Variants in ROBO2 observed in about 807,000 individuals in gnomAD.
ROBO2 encodes the protein roundabout guidance receptor 2, also known as roundabout homolog 2.
Under a neutral mutation model 160.8 loss-of-function variants are expected in ROBO2, and 53 were observed. The observed-to-expected ratio is 0.33, with a 90% CI of 0.26 to 0.41. ROBO2 has a LOEUF of 0.41. ROBO2 is among the 10% of genes least tolerant of loss of function. The pLI is 1.00. For missense variants in ROBO2, 1,577 were observed against 1,722.4 expected (o/e 0.92, Z 1.49); for synonymous variants, 664 against 611.7 (o/e 1.09, Z -1.26).
At chr3:77,115,631 A>C (rs1020554764) in intron 2 of ROBO2, among the ~76,000 whole-genome samples, 4 of 152,192 alleles carry the variant, frequency 2.6e-5, no homozygotes, top group African/African-American at 9.6e-5. Flanking sequence ...CCGTGAACTA[A>C]CCGAACTTTT....
chr3:77,063,864 A>G (rs2066569876), intron 1 of ROBO2, among the ~76,000 whole-genome samples: 2 of 152,152 alleles, frequency 1.3e-5, no homozygotes, highest in African/African-American at 4.8e-5. Context: ...TCTACTTATC[A>G]TCTCCTGAAC....
chr3:76,281,469 C>T (rs1030371896), intron 2 of ROBO2, among the ~76,000 whole-genome samples: 4 of 151,784 alleles, frequency 2.6e-5, no homozygotes, highest in Non-Finnish European at 4.4e-5. Context: ...CATCAATATT[C>T]GGTTTTTAAA....
intron 2 of ROBO2, among the ~76,000 whole-genome samples, chr3:76,217,357 A>C (rs1283609485): frequency 6.6e-6 from 1 of 152,214 alleles, no homozygotes; most frequent in Non-Finnish European, 1.5e-5. Flanking sequence ...ACCTTTCAAA[A>C]AATCAATGAA....
chr3:76,124,185 T>C (rs1254267696), intron 2 of ROBO2, among the ~76,000 whole-genome samples: 1 of 152,070 alleles, frequency 6.6e-6, no homozygotes, highest in East Asian at 1.9e-4. Context: ...AATTCGAAAA[T>C]ATGCGGGAAA....
chr3:76,866,518 A>G (rs945415296), intron 2 of ROBO2, among the ~76,000 whole-genome samples: 3 of 152,132 alleles, frequency 2.0e-5, no homozygotes, highest in African/African-American at 7.2e-5. Context: ...TTATTAATTT[A>G]CATTAAACTA....
At chr3:77,185,398 A>C (rs761473310) in intron 2 of ROBO2, among the ~76,000 whole-genome samples, 1 of 151,988 alleles carries the variant, frequency 6.6e-6, no homozygotes, top group Admixed American at 6.6e-5. Flanking sequence ...ACGGAAGCAT[A>C]GAAGGAAAGA....
At chr3:77,411,425 G>A (rs1330936536) in intron 2 of ROBO2, among the ~76,000 whole-genome samples, 2 of 152,148 alleles carry the variant, frequency 1.3e-5, no homozygotes, top group African/African-American at 4.8e-5. Context: ...CATTATATGT[G>A]TCAACTTTTG....
exon 8 of ROBO2, chr3:77,550,924 A>T: frequency 3.1e-6 from 5 of 1,613,090 alleles, no homozygotes; most frequent in Non-Finnish European, 4.2e-6. Flanking sequence ...GCGGGTTACT[A>T]CATCTGCCAG....
chr3:76,130,137 A>G lies in ROBO2; in HGVS notation c.109+192535A>G, dbSNP rs6773901. 6.4e-3 allele frequency among the ~76,000 whole-genome samples: 976 copies of G among 152,180 alleles called. 12 individuals carry two copies. The highest frequency in any genetic ancestry group is 0.023 in the African/African-American group (946 of 41,558). On this transcript the variant is annotated intron_variant, in intron 2 of 26. Coordinates refer to the ROBO2 transcript ENST00000487694. Reference sequence around the variant, plus strand: ...TGGGAATTTTCATATATACTGGGTAATATATATGCTTTTTCTTATAAGCTC... The same window carrying G: ...TGGGAATTTTCATATATACTGGGTAGTATATATGCTTTTTCTTATAAGCTC...
At chr3:77,237,368 CTTTT>C (rs1397591099) in intron 2 of ROBO2, among the ~76,000 whole-genome samples, 1 of 143,286 alleles carries the variant, frequency 7.0e-6, no homozygotes, top group Non-Finnish European at 1.6e-5. Context: ...CCTAGCTTTT[CTTTT>C]CTTTTTTTTT....
chr3:76,239,393 C>T (rs1412970222), intron 2 of ROBO2, among the ~76,000 whole-genome samples: 4 of 151,356 alleles, frequency 2.6e-5, no homozygotes, highest in African/African-American at 9.7e-5. Context: ...TAGTATGTAT[C>T]TAGATAATGT....
chr3:76,302,549 G>T (rs1465619066), intron 2 of ROBO2, among the ~76,000 whole-genome samples: 1 of 152,092 alleles, frequency 6.6e-6, no homozygotes, highest in Non-Finnish European at 1.5e-5. Context: ...GTTTTGGTCA[G>T]TGATAGATCC....
At chr3:76,151,916 A>G (rs2072223206) in intron 2 of ROBO2, among the ~76,000 whole-genome samples, 1 of 152,198 alleles carries the variant, frequency 6.6e-6, no homozygotes, top group African/African-American at 2.4e-5. Flanking sequence ...AAATAAAAAC[A>G]TGAGTATTGA....
chr3:76,482,513 A>G (rs1438989148), intron 2 of ROBO2, among the ~76,000 whole-genome samples: 1 of 152,148 alleles, frequency 6.6e-6, no homozygotes, highest in African/African-American at 2.4e-5. Context: ...CCCATTTTTA[A>G]TGCAATTTTC....
intron 1 of ROBO2, among the ~76,000 whole-genome samples, chr3:75,927,823 T>G (rs1195076761): frequency 1.3e-5 from 2 of 152,218 alleles, no homozygotes; most frequent in African/African-American, 4.8e-5. Flanking sequence ...CTCTTTCTAC[T>G]TATAGTTTCT....
intron 2 of ROBO2, among the ~76,000 whole-genome samples, chr3:76,242,692 C>T (rs1191510250): frequency 1.3e-5 from 2 of 152,052 alleles, no homozygotes; most frequent in Non-Finnish European, 2.9e-5. Context: ...CGGAGATCAA[C>T]CAGGGCAACA....
At chr3:77,000,622 C>T (rs958152096) in intron 2 of ROBO2, among the ~76,000 whole-genome samples, 3 of 151,924 alleles carry the variant, frequency 2.0e-5, no homozygotes, top group Admixed American at 6.6e-5. Flanking sequence ...CTTAAAAATC[C>T]CTGAAGACAG....
At chr3:77,261,725 T>A (rs928732960) in intron 2 of ROBO2, among the ~76,000 whole-genome samples, 2 of 151,978 alleles carry the variant, frequency 1.3e-5, no homozygotes, top group African/African-American at 4.8e-5. Context: ...AATGCAACTA[T>A]GGCAAAACCT....
chr3:77,577,538 A>G, exon 15 of ROBO2: 1 of 1,613,420 alleles, frequency 6.2e-7, no homozygotes, highest in East Asian at 2.2e-5. Flanking sequence ...GTTGGAAGCT[A>G]CAATAGCACA....
Sources: gnomAD v4.1 joint callset for allele counts (sites outside exome capture counted in the v4.1 genomes callset) on GRCh38, gnomAD v4.1.1 for gene constraint, MANE v1.5 for transcripts, NCBI Gene and HGNC (gene_info 2026-07-23, HGNC 2026-07-21) for gene names.